Variants in SV2B observed in about 807,000 individuals in gnomAD.
SV2B encodes synaptic vesicle glycoprotein 2B.
SV2B carries 41 observed loss-of-function variants against 73.9 expected under a neutral mutation model. That is an observed-to-expected ratio of 0.56 (90% CI 0.43 to 0.72). The LOEUF (loss-of-function observed/expected upper bound fraction) is 0.72. Among genes scored for constraint, SV2B ranks in the 30% least tolerant of loss-of-function variants. The pLI is 0.00. For synonymous variants in SV2B, 314 were observed against 314.2 expected (o/e 1.00, Z 0.01); for missense variants, 764 against 857.8 (o/e 0.89, Z 1.37).
At chr15:91,186,026 A>G (rs1490683003) in intron 1 of SV2B, among the ~76,000 whole-genome samples, 1 of 152,216 alleles carries the variant, frequency 6.6e-6, no homozygotes, top group East Asian at 1.9e-4. Flanking sequence ...TTCTGTCTTC[A>G]TCACAACATA....
At chr15:91,282,833 A>G (rs1451777903) in intron 10 of SV2B, among the ~76,000 whole-genome samples, 2 of 152,360 alleles carry the variant, frequency 1.3e-5, no homozygotes, top group African/African-American at 4.8e-5. Flanking sequence ...GAGTCTCTTA[A>G]TAATTCATTC....
intron 2 of SV2B, among the ~76,000 whole-genome samples, chr15:91,237,533 A>G (rs2046835157): frequency 6.6e-6 from 1 of 152,248 alleles, no homozygotes; most frequent in Admixed American, 6.5e-5. Flanking sequence ...GGAATAACTA[A>G]GCCAGAATGT....
At chr15:91,286,114 AAGAGCTG>A (rs2048851770) in intron 11 of SV2B, among the ~76,000 whole-genome samples, 1 of 152,202 alleles carries the variant, frequency 6.6e-6, no homozygotes, top group Admixed American at 6.5e-5. Context: ...CAAGCTTGTT[AAGAGCTG>A]AGACAGGACC....
intron 1 of SV2B, among the ~76,000 whole-genome samples, chr15:91,165,616 CT>C (rs1392061351): frequency 6.6e-6 from 1 of 152,142 alleles, no homozygotes; most frequent in Non-Finnish European, 1.5e-5. Flanking sequence ...TGAGGAATGA[CT>C]ATATTTGAGC....
At chr15:91,182,308 T>G (rs927562190) in intron 1 of SV2B, among the ~76,000 whole-genome samples, 1 of 152,226 alleles carries the variant, frequency 6.6e-6, no homozygotes, top group Non-Finnish European at 1.5e-5. Context: ...CTGCTTTGCT[T>G]CAGGCCCTGC....
At position 91,252,011 on chromosome 15, in the gene SV2B, G is replaced by A; in HGVS notation, c.632+12G>A. The A allele has an allele frequency of 6.2e-7, 1 of 1,613,426 alleles. No homozygotes were observed. The highest frequency in any genetic ancestry group is 1.1e-5 in the South Asian group (1 of 90,976). ...ATCTCAGGCATCGGGTATGTTCTTA[G>A]GGAGGTGGAGCTGGACCATCCCAGA... On this transcript the variant is annotated intron_variant, in intron 3 of 12. Coordinates refer to ENST00000394232, the MANE Select transcript of SV2B (RefSeq NM_001323032.3). The surrounding 1 kb of genome is among the most constrained non-coding windows in gnomAD (Gnocchi z 4.6).
In SV2B at chr15:91,293,205, T is replaced by C. The variant is rs2049107462; in HGVS notation, c.*653T>C. 2 of 152,238 alleles carry C rather than the reference T, an allele frequency of 1.3e-5. No individual in the cohort carries two copies. The highest frequency in any genetic ancestry group is 6.5e-5 in the Admixed American group (1 of 15,282). The allele number at this position is 152,238 out of a possible 1,614,324, so 9.4% of individuals were successfully genotyped here. ...TTTAAGAAGGATATTTATTTCTGTT[T>C]TGCTCTATTCAAAGAAACGGAATGG... On this transcript the variant is annotated 3_prime_UTR_variant, in exon 13 of 13. Transcript: ENST00000394232.
In SV2B at chr15:91,284,224, G is replaced by T; in HGVS notation, c.1708+3G>T. The T allele has an allele frequency of 6.2e-7, 1 of 1,614,064 alleles. No homozygotes were observed. Among genetic ancestry groups the T allele is most frequent in the Non-Finnish European group, 8.5e-7 (1 of 1,179,972 alleles). On this transcript the variant is annotated splice_donor_region_variant and intron_variant, in intron 11 of 12. Coordinates refer to ENST00000394232, the MANE Select transcript of SV2B (RefSeq NM_001323032.3). The surrounding 1 kb of genome is among the most constrained non-coding windows in gnomAD (Gnocchi z 4.5). ...AATTGGAAGGCTCAAGATGATTGGTGAGTTGCCAGCAGGGTCATTCCTGGG... is the reference window on the plus strand; with the variant it reads ...AATTGGAAGGCTCAAGATGATTGGTTAGTTGCCAGCAGGGTCATTCCTGGG...
At chr15:91,164,673 TG>T (rs1288384427) in intron 1 of SV2B, among the ~76,000 whole-genome samples, 1 of 152,244 alleles carries the variant, frequency 6.6e-6, no homozygotes, top group Admixed American at 6.5e-5. Context: ...ATAAGAATTC[TG>T]CCTACCATAA....
Position 91,252,429 on chromosome 15 carries a change from G to A in SV2B, c.693G>A (p.Lys231=). 6.2e-7 allele frequency: 1 copy of A among 1,613,696 alleles called. No homozygotes were observed. Among genetic ancestry groups the A allele is most frequent in the Admixed American group, 1.7e-5 (1 of 59,972 alleles). Reference sequence around the variant, plus strand: ...TTTCTGAATTCTTGTCTCGGGAGAAGCGAGGAGAACACCTCAGTTGGCTGG... The same window carrying A: ...TTTCTGAATTCTTGTCTCGGGAGAAACGAGGAGAACACCTCAGTTGGCTGG... ...AYFSEFLSRE[K]RGEHLSWLGI... The change falls in exon 4 of 13, where the codon AAG becomes AAA. Residue 231 remains lysine (K), a synonymous_variant. Transcript: ENST00000394232. This position sits in a 1 kb window ranked among gnomAD's most constrained non-coding sequence, Gnocchi z 4.6.
chr15:91,226,116 A>T lies in SV2B; in HGVS notation c.-148A>T, dbSNP rs1222375384. The T allele has an allele frequency of 9.6e-6, 7 of 730,330 alleles. No individual in the cohort carries two copies. The highest frequency in any genetic ancestry group is 3.9e-5 in the South Asian group (2 of 50,712). 45.2% of individuals were successfully genotyped at this position (730,330 alleles called of 1,614,324 possible). A position where few individuals can be genotyped will look rare whatever the true frequency, so the allele number is the denominator to read the frequency against. The stretch of plus-strand genomic sequence containing the variant: ...GATTTGAGAGATAAAGGGGGGGGGA[A>T]CCAGTGTGACTTTCACCTAAGAAGT... On this transcript the variant is annotated 5_prime_UTR_variant, in exon 2 of 13. Coordinates refer to ENST00000394232, the MANE Select transcript of SV2B (RefSeq NM_001323032.3).
At chr15:91,163,647 G>A (rs2043806873) in intron 1 of SV2B, among the ~76,000 whole-genome samples, 1 of 152,192 alleles carries the variant, frequency 6.6e-6, no homozygotes, top group African/African-American at 2.4e-5. Context: ...TAAGTTCTTT[G>A]TAGATTCTGG....
chr15:91,126,678 C>T (rs2042492548), intron 1 of SV2B, among the ~76,000 whole-genome samples: 1 of 152,150 alleles, frequency 6.6e-6, no homozygotes, highest in Admixed American at 6.5e-5. Context: ...TGGCATTTAT[C>T]CCAAGAATGC....
chr15:91,172,428 T>C lies in SV2B; in HGVS notation c.-391-53445T>C, dbSNP rs185315732. 2.7e-4 allele frequency among the ~76,000 whole-genome samples: 41 copies of C among 152,346 alleles called. No homozygotes were observed. In the South Asian group the frequency reaches 4.1e-3, roughly 15 times the overall value. ...GATACAGAAGACACAGCTCAGCCTC[T>C]GAGGATCACGAAGCAAACCCATCCC... On this transcript the variant is annotated intron_variant, in intron 1 of 12. Coordinates refer to ENST00000394232, the MANE Select transcript of SV2B (RefSeq NM_001323032.3).
At chr15:91,102,485 GGT>G (rs1178454629) in intron 1 of SV2B, among the ~76,000 whole-genome samples, 1 of 152,004 alleles carries the variant, frequency 6.6e-6, no homozygotes, top group Non-Finnish European at 1.5e-5. Context: ...GCACAAAGTA[GGT>G]GCTCAAGAAA....
chr15:91,247,937 G>A (rs2047307296), intron 2 of SV2B, among the ~76,000 whole-genome samples: 2 of 152,218 alleles, frequency 1.3e-5, no homozygotes, highest in South Asian at 2.1e-4. Flanking sequence ...CCACTTTTTT[G>A]TTAAGGATAT....
chr15:91,100,458 A>G lies in SV2B; in HGVS notation c.-392+95A>G, dbSNP rs2041691163. 1 of 152,342 alleles carries G rather than the reference A, an allele frequency of 6.6e-6. No individual in the cohort carries two copies. The highest frequency in any genetic ancestry group is 2.1e-4 in the South Asian group (1 of 4,832). The allele number at this position is 152,342 out of a possible 1,614,324, so 9.4% of individuals were successfully genotyped here. ...CTCCCAGACTCGCCTGCCTGGGCTG[A>G]AATATACACGCTCGCACAGCTGAGT... is the stretch of plus-strand genomic sequence containing the variant. On this transcript the variant is annotated intron_variant, in intron 1 of 12. Transcript: ENST00000394232. The surrounding 1 kb of genome is among the most constrained non-coding windows in gnomAD (Gnocchi z 6.4).
chr15:91,300,241 TCTGA>T lies in SV2B; in HGVS notation c.*7692_*7695del, dbSNP rs2049397813. ...TTCAGGTTTCAAGGAAGGAGGAATATCTGACTATTTTTTTTTGTGTGTGAGATTT... is the reference window on the plus strand; with the variant it reads ...TTCAGGTTTCAAGGAAGGAGGAATATCTATTTTTTTTTGTGTGTGAGATTT... On this transcript the variant is annotated 3_prime_UTR_variant, in exon 13 of 13. Transcript: ENST00000394232. 6.6e-6 allele frequency: 1 copy of T among 151,712 alleles called. No individual in the cohort carries two copies. The highest frequency in any genetic ancestry group is 6.5e-5 in the Admixed American group (1 of 15,270). The allele number at this position is 151,712 out of a possible 1,614,324, so 9.4% of individuals were successfully genotyped here. A position where few individuals can be genotyped will look rare whatever the true frequency, so the allele number is the denominator to read the frequency against.
chr15:91,230,241 A>G (rs12910643), intron 2 of SV2B, among the ~76,000 whole-genome samples: 9 of 148,532 alleles, frequency 6.1e-5, no homozygotes, highest in Non-Finnish European at 1.0e-4. Flanking sequence ...ACCTTGTCTC[A>G]TTTAAAAAAA....
Sources: gnomAD v4.1 joint callset for allele counts (sites outside exome capture counted in the v4.1 genomes callset) on GRCh38, gnomAD v4.1.1 for gene constraint, Gnocchi (gnomAD v3.1) non-coding constraint, MANE v1.5 for transcripts, NCBI Gene and HGNC (gene_info 2026-07-23, HGNC 2026-07-21) for gene names.